TEX14: variants seen among roughly 807,000 people sequenced by gnomAD.
The protein encoded by TEX14 is inactive serine/threonine-protein kinase TEX14.
In TEX14, 168 loss-of-function variants were observed where a neutral mutation model predicts 178.6. The observed-to-expected ratio is 0.94, with a 90% CI of 0.83 to 1.07. TEX14 has a LOEUF of 1.07. Ranked by LOEUF, TEX14 falls within the 50% of genes least tolerant of loss-of-function variation. The pLI, the probability that TEX14 is intolerant of heterozygous loss-of-function variation, is 0.00. For missense variants in TEX14, 1,730 were observed against 1,753.6 expected (o/e 0.99, Z 0.24); for synonymous variants, 626 against 634.1 (o/e 0.99, Z 0.19).
At chr17:58,571,759 C>T (rs1482588166) in intron 24 of TEX14, among the ~76,000 whole-genome samples, 162 bp downstream of exon 24, 2 of 152,148 alleles carry the variant, frequency 1.3e-5, no homozygotes, top group African/African-American at 4.8e-5. Context: ...AAAACTTAAG[C>T]CTCCCATAAT....
At chr17:58,616,845 T>C (rs75083532) in intron 6 of TEX14, among the ~76,000 whole-genome samples, 97 of 152,354 alleles carry the variant, frequency 6.4e-4, no homozygotes, top group African/African-American at 2.3e-3. Flanking sequence ...TCAAGTGCCA[T>C]TGCTGGGACT....
At chr17:58,654,407 T>C (rs1246880047) in intron 1 of TEX14, among the ~76,000 whole-genome samples, 1 of 151,090 alleles carries the variant, frequency 6.6e-6, no homozygotes, top group Non-Finnish European at 1.5e-5. Flanking sequence ...AGATTAGATA[T>C]AGATTGAATG....
intron 3 of TEX14, among the ~76,000 whole-genome samples, chr17:58,623,766 A>G (rs868115874): frequency 6.9e-5 from 10 of 144,018 alleles, no homozygotes; most frequent in South Asian, 2.5e-4. Context: ...GAAGGAGAAG[A>G]AGGAGGAGGA....
At position 58,570,367 on chromosome 17, in the gene TEX14, A is replaced by T; in HGVS notation, c.3817+18T>A. On this transcript the variant is annotated intron_variant, in intron 25 of 31. Coordinates refer to ENST00000349033, the MANE Select transcript of TEX14 (RefSeq NM_031272.5). ...TCCTTGATTATAAACTTCTATTTTGATATTAAACACAGGGTACCTTTAGGC... is the reference window on the plus strand; with the variant it reads ...TCCTTGATTATAAACTTCTATTTTGTTATTAAACACAGGGTACCTTTAGGC... 1 of 1,463,696 alleles carries T rather than the reference A, an allele frequency of 6.8e-7. No homozygotes were observed. The highest frequency in any genetic ancestry group is 9.0e-7 in the Non-Finnish European group (1 of 1,108,420). 90.7% of individuals were successfully genotyped at this position (1,463,696 alleles called of 1,614,324 possible). A position where few individuals can be genotyped will look rare whatever the true frequency, so the allele number is the denominator to read the frequency against.
chr17:58,631,377 TA>T (rs2046283600), intron 2 of TEX14, among the ~76,000 whole-genome samples: 1 of 152,052 alleles, frequency 6.6e-6, no homozygotes, highest in South Asian at 2.1e-4. Flanking sequence ...GAGGACTGCT[TA>T]AGTGGCAGAG....
In TEX14 at chr17:58,598,988, A is replaced by C. The variant is rs1406308579; in HGVS notation, c.2357T>G (p.Leu786Arg). 1 of 1,613,984 alleles carries C rather than the reference A, an allele frequency of 6.2e-7. No individual in the cohort carries two copies. The highest frequency in any genetic ancestry group is 2.2e-5 in the East Asian group (1 of 44,878). Residue 786 changes from leucine (L) to arginine (R), a missense_variant, in exon 14 of 32, where the codon CTG (leucine) becomes CGG (arginine). Coordinates refer to ENST00000349033, the MANE Select transcript of TEX14 (RefSeq NM_031272.5). ...REFTNAYKLP[L>R]AVGPPSLNYI... Reference sequence around the variant, plus strand: ...GTTTAAAGATGGAGGGCCCACGGCCAGAGGTAACTTGTAGGCATTTGTAAA... The same window carrying C: ...GTTTAAAGATGGAGGGCCCACGGCCCGAGGTAACTTGTAGGCATTTGTAAA...
intron 2 of TEX14, among the ~76,000 whole-genome samples, chr17:58,648,735 C>T (rs1435578785): frequency 6.6e-6 from 1 of 151,500 alleles, no homozygotes. Flanking sequence ...TTGAGACTGG[C>T]AAGGATGGGG....
At chr17:58,678,495 A>G (rs1381442963) in intron 1 of TEX14, among the ~76,000 whole-genome samples, 4 of 152,180 alleles carry the variant, frequency 2.6e-5, no homozygotes, top group Non-Finnish European at 5.9e-5. Context: ...CTATGCAGCC[A>G]TAAAAAAGGA....
At chr17:58,582,707 G>T (rs1469468791) in intron 19 of TEX14, among the ~76,000 whole-genome samples, 1 of 151,706 alleles carries the variant, frequency 6.6e-6, no homozygotes, top group African/African-American at 2.4e-5. Flanking sequence ...GGGATCACAG[G>T]TGTGTGCCAC....
chr17:58,629,259 C>A (rs1254149753), intron 3 of TEX14, among the ~76,000 whole-genome samples: 1 of 151,544 alleles, frequency 6.6e-6, no homozygotes, highest in African/African-American at 2.4e-5. Context: ...TCGAGACCAG[C>A]CTGGCCAACA....
intron 10 of TEX14, among the ~76,000 whole-genome samples, chr17:58,607,088 T>A (rs1303251143): frequency 2.0e-5 from 3 of 150,362 alleles, no homozygotes; most frequent in Non-Finnish European, 4.4e-5. Flanking sequence ...TACCAAGAGA[T>A]GGAATGCTAT....
At chr17:58,674,615 A>G (rs1371832055) in intron 1 of TEX14, among the ~76,000 whole-genome samples, 4 of 152,042 alleles carry the variant, frequency 2.6e-5, no homozygotes, top group Non-Finnish European at 5.9e-5. Context: ...GGTTGCAGTG[A>G]GCCGAGATCC....
chr17:58,606,481 C>G (rs2045609480), intron 10 of TEX14, among the ~76,000 whole-genome samples: 1 of 152,118 alleles, frequency 6.6e-6, no homozygotes, highest in South Asian at 2.1e-4. Flanking sequence ...GCAAACTTCC[C>G]TAAATAAAGT....
At chr17:58,591,459 A>C (rs2045139221) in intron 15 of TEX14, among the ~76,000 whole-genome samples, 1 of 152,156 alleles carries the variant, frequency 6.6e-6, no homozygotes, top group South Asian at 2.1e-4. Context: ...TGGAGGTTGC[A>C]GTGAGCCAAT....
At chr17:58,617,765 C>A in intron 5 of TEX14, 146 bp from the exon 6 acceptor site, 1 of 596,000 alleles carries the variant, frequency 1.7e-6, no homozygotes, top group East Asian at 2.8e-5. Context: ...GATGTAACAG[C>A]CAGCCTCTGA....
At chr17:58,631,569 AC>A (rs1409158964) in intron 2 of TEX14, 1 of 151,982 alleles carries the variant, frequency 6.6e-6, no homozygotes, top group Non-Finnish European at 1.5e-5. Context: ...ATCTGGCATA[AC>A]CTTATACTCA....
At chr17:58,646,315 G>A (rs537261898) in intron 2 of TEX14, among the ~76,000 whole-genome samples, 5 of 152,204 alleles carry the variant, frequency 3.3e-5, no homozygotes, top group East Asian at 3.9e-4. Flanking sequence ...TTTTTACATC[G>A]AACCAAAATC....
chr17:58,621,934 G>T (rs1322515321), intron 4 of TEX14, 148 bp from the exon 5 acceptor site: 1 of 874,180 alleles, frequency 1.1e-6, no homozygotes, highest in Non-Finnish European at 1.6e-6. Flanking sequence ...TTTTCTAAAG[G>T]TATGGAATGT....
chr17:58,623,617 C>T (rs1348663694), intron 3 of TEX14, among the ~76,000 whole-genome samples: 4 of 152,128 alleles, frequency 2.6e-5, no homozygotes, highest in African/African-American at 9.6e-5. Context: ...TTAATGTGTC[C>T]AGGATATGGT....
Sources: allele counts gnomAD v4.1 joint callset (sites outside exome capture counted in the v4.1 genomes callset), GRCh38; gene constraint gnomAD v4.1.1; transcripts MANE v1.5; gene names NCBI Gene and HGNC (gene_info 2026-07-23, HGNC 2026-07-21).